The following TMEM132B variants were observed in gnomAD, a reference collection of about 807,000 sequenced individuals.
TMEM132B encodes the protein transmembrane protein 132B.
Under a neutral mutation model 90.8 loss-of-function variants are expected in TMEM132B, and 18 were observed. The ratio of observed to expected loss-of-function variants is 0.20; its 90% CI spans 0.14 to 0.29. TMEM132B has a LOEUF of 0.29. TMEM132B is among the 10% of genes least tolerant of loss of function. TMEM132B has a pLI of 1.00. For synonymous variants in TMEM132B, 504 were observed against 523.3 expected, an observed-to-expected ratio of 0.96 and a Z score of 0.50; for missense variants, 1,096 against 1,326.8, an observed-to-expected ratio of 0.83 and a Z score of 2.70.
chr12:125,228,514 C>G (rs1052146493), intron 1 of TMEM132B, among the ~76,000 whole-genome samples: 3 of 152,208 alleles, frequency 2.0e-5, no homozygotes, highest in African/African-American at 7.2e-5. Context: ...TTCTGCCGTG[C>G]TTCTGTTTTG....
chr12:125,357,889 A>G (rs1172803454), intron 2 of TMEM132B, among the ~76,000 whole-genome samples: 1 of 152,218 alleles, frequency 6.6e-6, no homozygotes, highest in Non-Finnish European at 1.5e-5. Flanking sequence ...AAGACAATGC[A>G]GCCTTAGTTG....
At chr12:125,631,074 A>G (rs1462445030) in intron 5 of TMEM132B, among the ~76,000 whole-genome samples, 1 of 152,046 alleles carries the variant, frequency 6.6e-6, no homozygotes, top group East Asian at 1.9e-4. Context: ...AAGATGAATC[A>G]TTAAATTGTT....
intron 1 of TMEM132B, among the ~76,000 whole-genome samples, chr12:125,256,657 G>A (rs1183748343): frequency 1.3e-5 from 2 of 152,214 alleles, no homozygotes; most frequent in Non-Finnish European, 2.9e-5. Context: ...GGGTTCCTCT[G>A]CTTTTTAAGT....
chr12:125,266,003 T>C (rs1009865936), intron 1 of TMEM132B, among the ~76,000 whole-genome samples: 2 of 151,854 alleles, frequency 1.3e-5, no homozygotes, highest in African/African-American at 4.8e-5. Flanking sequence ...CCGAGGCAGG[T>C]GGATCACCTG....
intron 3 of TMEM132B, among the ~76,000 whole-genome samples, chr12:125,442,313 G>GT (rs57062741): frequency 6.6e-6 from 1 of 151,784 alleles, no homozygotes; most frequent in African/African-American, 2.4e-5. Context: ...AGTGACCATA[G>GT]GATCAGGAAT....
chr12:125,632,406 A>T (rs1330344008), intron 5 of TMEM132B, among the ~76,000 whole-genome samples: 1 of 152,158 alleles, frequency 6.6e-6, no homozygotes, highest in Non-Finnish European at 1.5e-5. Flanking sequence ...CTCTCTACTT[A>T]GGATAAGAGT....
At position 125,247,185 on chromosome 12, in the gene TMEM132B, C is replaced by G. The variant is rs565271025; in HGVS notation, c.67+60319C>G. On this transcript the variant is annotated intron_variant, in intron 1 of 8. Coordinates refer to ENST00000682704, the MANE Select transcript of TMEM132B (RefSeq NM_001366854.1). ...TTTCTTTGTGTCCATAATCACCCAC[C>G]CCTTTGAACTTCTGGAGTTGTTCAG... is the stretch of plus-strand genomic sequence containing the variant. Among the ~76,000 whole-genome samples, 11 of 152,208 alleles carry G rather than the reference C, an allele frequency of 7.2e-5. No homozygotes were observed. In the East Asian group the frequency reaches 1.9e-3, roughly 27 times the overall value.
At chr12:125,393,160 T>G (rs1879075586) in intron 2 of TMEM132B, among the ~76,000 whole-genome samples, 1 of 152,256 alleles carries the variant, frequency 6.6e-6, no homozygotes, top group African/African-American at 2.4e-5. Flanking sequence ...GGTTTCTTTC[T>G]GTATTGGATA....
Position 125,590,758 on chromosome 12 carries a change from G to C in TMEM132B, c.1437+6764G>C, listed in dbSNP as rs144232875. The stretch of plus-strand genomic sequence containing the variant: ...TTATTGAGCATTTATTAAGTACCAG[G>C]TACCATTATAATAAGAGCATTAGAA... On this transcript the variant is annotated intron_variant, in intron 5 of 8. Coordinates refer to ENST00000682704, the MANE Select transcript of TMEM132B (RefSeq NM_001366854.1). Among the ~76,000 whole-genome samples, 31 of 152,300 alleles carry C rather than the reference G, an allele frequency of 2.0e-4. 1 individual carries two copies. The East Asian group carries it at 5.8e-3, about 28-fold the overall frequency.
chr12:125,618,671 T>G (rs181184767), intron 5 of TMEM132B, among the ~76,000 whole-genome samples: 1 of 151,764 alleles, frequency 6.6e-6, no homozygotes, highest in Admixed American at 6.6e-5. Flanking sequence ...ATCCTTTAAA[T>G]GTTTTTTTTT....
chr12:125,191,443 C>T (rs764828767), intron 1 of TMEM132B, among the ~76,000 whole-genome samples: 2 of 152,072 alleles, frequency 1.3e-5, no homozygotes, highest in Non-Finnish European at 2.9e-5. Flanking sequence ...GGATTAGGAT[C>T]CCAGCCCAGG....
intron 1 of TMEM132B, among the ~76,000 whole-genome samples, chr12:125,229,174 A>G (rs1873757911): frequency 6.6e-6 from 1 of 152,176 alleles, no homozygotes; most frequent in East Asian, 1.9e-4. Flanking sequence ...GCATGTCCTT[A>G]TGGCTTAAGC....
At chr12:125,411,366 G>A (rs376719454) in intron 2 of TMEM132B, among the ~76,000 whole-genome samples, 16 of 46,446 alleles carry the variant, frequency 3.4e-4, no homozygotes, top group African/African-American at 5.3e-5. Flanking sequence ...GTCAGAGGGT[G>A]GGGGGGGGCC....
At chr12:125,244,095 C>T (rs1874152494) in intron 1 of TMEM132B, among the ~76,000 whole-genome samples, 1 of 152,200 alleles carries the variant, frequency 6.6e-6, no homozygotes, top group Non-Finnish European at 1.5e-5. Context: ...GTCAGAATGT[C>T]ATTCTTTTTA....
intron 1 of TMEM132B, among the ~76,000 whole-genome samples, chr12:125,260,940 G>GTGTC (rs1051183221): frequency 3.3e-5 from 5 of 151,652 alleles, no homozygotes; most frequent in Non-Finnish European, 7.4e-5. Flanking sequence ...GTGTGTGTGT[G>GTGTC]TGTGTGTGTG....
chr12:125,589,289 T>C (rs377374621), intron 5 of TMEM132B, among the ~76,000 whole-genome samples: 38 of 151,896 alleles, frequency 2.5e-4, no homozygotes, highest in Admixed American at 8.5e-4. Flanking sequence ...GAGACCATCC[T>C]GGCTAACACG....
chr12:125,451,630 G>C (rs76992079), intron 3 of TMEM132B, among the ~76,000 whole-genome samples: 1 of 145,272 alleles, frequency 6.9e-6, no homozygotes. Context: ...GTGGTCTACT[G>C]TTTTTTTTTT....
intron 3 of TMEM132B, among the ~76,000 whole-genome samples, chr12:125,456,943 C>T (rs1881306754): frequency 1.3e-5 from 2 of 152,226 alleles, no homozygotes; most frequent in South Asian, 4.1e-4. Flanking sequence ...TGTCCCATTT[C>T]CTTTGTGATC....
intron 4 of TMEM132B, among the ~76,000 whole-genome samples, chr12:125,564,076 T>G (rs929503049): frequency 2.0e-5 from 3 of 152,192 alleles, no homozygotes; most frequent in Non-Finnish European, 2.9e-5. Context: ...GTTTGAAGAC[T>G]TAGGCAAAGA....
Sources: gnomAD v4.1 joint callset for allele counts (sites outside exome capture counted in the v4.1 genomes callset) on GRCh38, gnomAD v4.1.1 for gene constraint, MANE v1.5 for transcripts, NCBI Gene and HGNC (gene_info 2026-07-23, HGNC 2026-07-21) for gene names.